The following SUGCT variants were observed in gnomAD, a reference collection of about 807,000 sequenced individuals.
SUGCT encodes succinyl-CoA:glutarate-CoA transferase.
SUGCT carries 41 observed loss-of-function variants against 55.0 expected under a neutral mutation model. That is an observed-to-expected ratio of 0.74 (90% CI 0.58 to 0.97). SUGCT has a LOEUF of 0.97. Ranked by LOEUF, SUGCT falls within the 50% of genes least tolerant of loss-of-function variation. The pLI is 0.00. For synonymous variants in SUGCT, 187 were observed against 200.4 expected, an observed-to-expected ratio of 0.93 and a Z score of 0.56; for missense variants, 568 against 547.8, an observed-to-expected ratio of 1.04 and a Z score of -0.37.
chr7:40,491,865 C>T (rs1346453590), intron 11 of SUGCT, among the ~76,000 whole-genome samples: 1 of 152,042 alleles, frequency 6.6e-6, no homozygotes, highest in African/African-American at 2.4e-5. Flanking sequence ...TGGTGGGCAC[C>T]TGTAATCCCA....
chr7:40,294,308 GA>G (rs1460436672), intron 8 of SUGCT, among the ~76,000 whole-genome samples: 7 of 152,096 alleles, frequency 4.6e-5, no homozygotes, highest in African/African-American at 1.7e-4. Flanking sequence ...CTGAGGCAAC[GA>G]AGATATGGAC....
intron 6 of SUGCT, among the ~76,000 whole-genome samples, chr7:40,200,850 T>A (rs758691507): frequency 6.6e-6 from 1 of 152,158 alleles, no homozygotes; most frequent in African/African-American, 2.4e-5. Context: ...GATAATTTTT[T>A]AAAGATTATT....
intron 12 of SUGCT, among the ~76,000 whole-genome samples, chr7:40,650,355 G>A (rs565740467): frequency 6.6e-6 from 1 of 152,258 alleles, no homozygotes; most frequent in South Asian, 2.1e-4. Flanking sequence ...TGTGTACCAG[G>A]ACATGCAGAC....
chr7:40,647,129 G>A (rs1800557919), intron 12 of SUGCT, among the ~76,000 whole-genome samples: 1 of 152,162 alleles, frequency 6.6e-6, no homozygotes, highest in Non-Finnish European at 1.5e-5. Context: ...AGCACCTGTG[G>A]CCATTTTTTA....
At chr7:40,963,603 T>C in the SUGCT span, among the ~76,000 whole-genome samples, 1 of 152,238 alleles carries the variant, frequency 6.6e-6, no homozygotes, top group Non-Finnish European at 1.5e-5. Context: ...CCTTTCCAAA[T>C]GTATTTGCAC....
intron 13 of SUGCT, among the ~76,000 whole-genome samples, chr7:40,802,942 T>G (rs1408468595): frequency 2.0e-5 from 3 of 152,200 alleles, no homozygotes; most frequent in Non-Finnish European, 2.9e-5. Flanking sequence ...AATAAGAAAT[T>G]CAAATGAAAT....
intron 8 of SUGCT, among the ~76,000 whole-genome samples, chr7:40,279,114 G>C (rs761599711): frequency 1.4e-4 from 22 of 151,850 alleles, no homozygotes; most frequent in Middle Eastern, 3.4e-3. Context: ...TGGTATTGCA[G>C]GTGTGAGCCA....
chr7:40,494,439 G>T (rs1791863643), intron 11 of SUGCT, among the ~76,000 whole-genome samples: 1 of 152,194 alleles, frequency 6.6e-6, no homozygotes, highest in Admixed American at 6.5e-5. Flanking sequence ...AGAATGTAAA[G>T]AATTGATTAG....
the SUGCT span, among the ~76,000 whole-genome samples, chr7:40,952,034 T>C: frequency 6.6e-6 from 1 of 152,208 alleles, no homozygotes; most frequent in Non-Finnish European, 1.5e-5. Flanking sequence ...TGTTGATCTG[T>C]CTAATGTTGG....
chr7:41,019,086 A>T, the SUGCT span, among the ~76,000 whole-genome samples: 1 of 151,986 alleles, frequency 6.6e-6, no homozygotes, highest in East Asian at 1.9e-4. Flanking sequence ...TTGTATTTTT[A>T]GTAGAGGCGA....
chr7:40,938,636 G>A, the SUGCT span, among the ~76,000 whole-genome samples: 5 of 151,856 alleles, frequency 3.3e-5, no homozygotes, highest in African/African-American at 1.2e-4. Context: ...ATCTATTACT[G>A]TATTAGATAT....
At chr7:40,237,398 C>T (rs1225115078) in intron 6 of SUGCT, among the ~76,000 whole-genome samples, 1 of 151,882 alleles carries the variant, frequency 6.6e-6, no homozygotes, top group African/African-American at 2.4e-5. Flanking sequence ...GAGCCGAGAT[C>T]GAACCACTAC....
At chr7:41,038,374 C>A in the SUGCT span, among the ~76,000 whole-genome samples, 3 of 152,334 alleles carry the variant, frequency 2.0e-5, no homozygotes, top group Non-Finnish European at 4.4e-5. Context: ...AGAAAACCCT[C>A]GAAAATGGCA....
At chr7:40,717,567 T>C (rs1370290629) in intron 12 of SUGCT, among the ~76,000 whole-genome samples, 1 of 152,186 alleles carries the variant, frequency 6.6e-6, no homozygotes, top group African/African-American at 2.4e-5. Flanking sequence ...GTGGGGAAGG[T>C]TGGAGATTCT....
At chr7:40,899,543 C>T in the SUGCT span, among the ~76,000 whole-genome samples, 1 of 152,266 alleles carries the variant, frequency 6.6e-6, no homozygotes, top group South Asian at 2.1e-4. Context: ...ACAAACAAAA[C>T]TCATAAGACG....
rs536605943 is a variant in SUGCT at position 40,403,701 on chromosome 7, C to G, written c.817-45586C>G. On this transcript the variant is annotated intron_variant, in intron 9 of 13. Transcript: ENST00000335693. The stretch of plus-strand genomic sequence containing the variant: ...TCTGAGGCTGCCATATCTCTGCTTT[C>G]CATGTGATTAGATGATTCACAACTT... Among the ~76,000 whole-genome samples, 5 of 152,300 alleles carry G rather than the reference C, an allele frequency of 3.3e-5. No homozygotes were observed. In the South Asian group the frequency reaches 1.0e-3, roughly 32 times the overall value.
At chr7:40,519,896 C>T (rs1793435962) in intron 12 of SUGCT, among the ~76,000 whole-genome samples, 1 of 152,034 alleles carries the variant, frequency 6.6e-6, no homozygotes, top group South Asian at 2.1e-4. Flanking sequence ...AGGTGTCCAA[C>T]AGACTCAAAT....
chr7:40,464,433 C>G (rs147289520), intron 11 of SUGCT, among the ~76,000 whole-genome samples: 1 of 151,962 alleles, frequency 6.6e-6, no homozygotes, highest in Non-Finnish European at 1.5e-5. Context: ...ATGGTGCCAT[C>G]TAAGATAAAT....
At chr7:40,469,017 G>GAATT (rs1006570308) in intron 11 of SUGCT, among the ~76,000 whole-genome samples, 1 of 152,088 alleles carries the variant, frequency 6.6e-6, no homozygotes, top group Non-Finnish European at 1.5e-5. Flanking sequence ...TAAATCCGAT[G>GAATT]AATTCCACCT....
Sources: gnomAD v4.1 joint callset for allele counts (sites outside exome capture counted in the v4.1 genomes callset) on GRCh38, gnomAD v4.1.1 for gene constraint, MANE v1.5 for transcripts, NCBI Gene and HGNC (gene_info 2026-07-23, HGNC 2026-07-21) for gene names.